The following PDE3A variants were observed in gnomAD, a reference collection of about 807,000 sequenced individuals.
The protein encoded by PDE3A is phosphodiesterase 3A.
A neutral mutation model predicts 98.3 loss-of-function variants in PDE3A; 43 were observed. The observed-to-expected ratio is 0.44, with a 90% CI of 0.34 to 0.56. PDE3A has a LOEUF of 0.56. PDE3A is among the 20% of genes least tolerant of loss of function. PDE3A has a pLI of 0.01. For synonymous variants in PDE3A, 663 were observed against 567.9 expected (o/e 1.17, Z -2.38); for missense variants, 1,427 against 1,440.7 (o/e 0.99, Z 0.15).
At chr12:20,455,488 A>C (rs559859623) in intron 1 of PDE3A, among the ~76,000 whole-genome samples, 1 of 152,126 alleles carries the variant, frequency 6.6e-6, no homozygotes, top group African/African-American at 2.4e-5. Context: ...TATCTTGCTC[A>C]TTGCTAAAGA....
chr12:20,446,838 G>A (rs1003015844), intron 1 of PDE3A, among the ~76,000 whole-genome samples: 4 of 152,084 alleles, frequency 2.6e-5, no homozygotes, highest in East Asian at 1.9e-4. Context: ...ATAAAGGGGC[G>A]ATTGCTTATT....
intron 14 of PDE3A, among the ~76,000 whole-genome samples, chr12:20,651,453 T>G (rs1167613510): frequency 6.6e-6 from 1 of 152,144 alleles, no homozygotes; most frequent in African/African-American, 2.4e-5. Context: ...TAGAAATCGG[T>G]TAATCAACAT....
intron 13 of PDE3A, 85 bp downstream of exon 13, chr12:20,648,976 A>T (rs1280195281): frequency 5.0e-5 from 41 of 818,320 alleles, no homozygotes; most frequent in Non-Finnish European, 7.6e-5. Flanking sequence ...CCCAGACTGG[A>T]GTGCAGTGGC....
chr12:20,558,225 T>C (rs1468483838), intron 2 of PDE3A, among the ~76,000 whole-genome samples: 1 of 151,296 alleles, frequency 6.6e-6, no homozygotes, highest in African/African-American at 2.4e-5. Context: ...AACCTCACAA[T>C]TGTACAGTAT....
chr12:20,635,833 C>T (rs1178679403), intron 8 of PDE3A, among the ~76,000 whole-genome samples: 2 of 150,744 alleles, frequency 1.3e-5, no homozygotes, highest in Non-Finnish European at 3.0e-5. Context: ...ACATGTATTA[C>T]AGCCCTTCCC....
At chr12:20,522,558 T>C (rs1197577476) in intron 1 of PDE3A, among the ~76,000 whole-genome samples, 1 of 152,162 alleles carries the variant, frequency 6.6e-6, no homozygotes, top group Non-Finnish European at 1.5e-5. Context: ...GGTGTTGTCT[T>C]TGTCTTTGAG....
chr12:20,650,667 T>C (rs1944895981), intron 14 of PDE3A, 67 bp downstream of exon 14: 1 of 904,602 alleles, frequency 1.1e-6, no homozygotes, highest in African/African-American at 1.6e-5. Context: ...GCTCAAAGCT[T>C]CTAACAGCTA....
At chr12:20,656,727 T>C (rs1044108219) in intron 15 of PDE3A, among the ~76,000 whole-genome samples, 5 of 152,232 alleles carry the variant, frequency 3.3e-5, no homozygotes, top group African/African-American at 1.2e-4. Context: ...ATGAAGGTAT[T>C]GTCAGCTTAG....
At position 20,552,020 on chromosome 12, in the gene PDE3A, G is replaced by A. The variant is rs1942220148; in HGVS notation, c.961-4640G>A. On this transcript the variant is annotated intron_variant, in intron 1 of 15. Transcript: ENST00000359062. The surrounding 1 kb of genome is among the most constrained non-coding windows in gnomAD (Gnocchi z 5.1). ...GGAGCGTACTCCCTAGTCCTGGCGG[G>A]GGGCTACGAGGATGACGTGGACCAT... The A allele has an allele frequency of 2.5e-6, 4 of 1,612,376 alleles. No individual in the cohort carries two copies. Among genetic ancestry groups the A allele is most frequent in the Non-Finnish European group, 3.4e-6 (4 of 1,179,914 alleles).
At chr12:20,384,819 A>G (rs1480122604) in intron 1 of PDE3A, among the ~76,000 whole-genome samples, 1 of 152,106 alleles carries the variant, frequency 6.6e-6, no homozygotes, top group African/African-American at 2.4e-5. Flanking sequence ...GCTAAGAATA[A>G]TGGCTTCCAG....
chr12:20,615,016 C>CTTTTTTTTTTTTTTTTT (rs11313010), intron 3 of PDE3A, among the ~76,000 whole-genome samples: 1 of 59,126 alleles, frequency 1.7e-5, no homozygotes, highest in African/African-American at 6.1e-5. Flanking sequence ...TTCTCTCTTT[C>CTTTTTTTTTTTTTTTTT]TTTTTTTTTT....
chr12:20,661,083 T>A (rs1945158762), intron 15 of PDE3A, among the ~76,000 whole-genome samples: 1 of 152,160 alleles, frequency 6.6e-6, no homozygotes, highest in East Asian at 1.9e-4. Context: ...GCTGAGGTGG[T>A]CTCAGATGGA....
chr12:20,644,361 G>T (rs1241400890), intron 10 of PDE3A, among the ~76,000 whole-genome samples: 1 of 152,006 alleles, frequency 6.6e-6, no homozygotes, highest in Non-Finnish European at 1.5e-5. Flanking sequence ...CCGTGTATCT[G>T]GCCCTTTAAA....
Position 20,684,536 on chromosome 12 carries a change from C to G in PDE3A, c.*4265C>G, listed in dbSNP as rs915204347. Reference sequence around the variant, plus strand: ...TCCAGATAATTGAAAGCTAAAATATCTATGTACTTTGAAGCCAAACTGAGT... The same window carrying G: ...TCCAGATAATTGAAAGCTAAAATATGTATGTACTTTGAAGCCAAACTGAGT... On this transcript the variant is annotated 3_prime_UTR_variant, in exon 16 of 16. Transcript: ENST00000359062. Among the ~76,000 whole-genome samples, 1 of 152,148 alleles carries G rather than the reference C, an allele frequency of 6.6e-6. No homozygotes were observed. The highest frequency in any genetic ancestry group is 1.5e-5 in the Non-Finnish European group (1 of 68,020).
chr12:20,679,460 G>C (rs1019461549), intron 15 of PDE3A, among the ~76,000 whole-genome samples: 4 of 152,104 alleles, frequency 2.6e-5, no homozygotes, highest in Admixed American at 2.6e-4. Context: ...TGTTAGCCAG[G>C]ATGGTCTCAA....
chr12:20,637,721 T>A (rs1447021339), intron 9 of PDE3A, among the ~76,000 whole-genome samples: 1 of 152,078 alleles, frequency 6.6e-6, no homozygotes, highest in African/African-American at 2.4e-5. Context: ...TCACATAGAG[T>A]TATAGAATAA....
chr12:20,411,471 G>A (rs1944331369), intron 1 of PDE3A, among the ~76,000 whole-genome samples: 1 of 152,148 alleles, frequency 6.6e-6, no homozygotes, highest in Middle Eastern at 3.4e-3. Flanking sequence ...TGTAGCATGT[G>A]TCAGAGTTTT....
At chr12:20,559,808 G>A (rs1056053911) in intron 2 of PDE3A, among the ~76,000 whole-genome samples, 2 of 152,184 alleles carry the variant, frequency 1.3e-5, no homozygotes, top group Non-Finnish European at 2.9e-5. Flanking sequence ...GTAAGCTTTC[G>A]AAAGTACAGA....
chr12:20,464,052 A>G (rs1945299108), intron 1 of PDE3A, among the ~76,000 whole-genome samples: 1 of 152,212 alleles, frequency 6.6e-6, no homozygotes, highest in Non-Finnish European at 1.5e-5. Flanking sequence ...TGTTAATGAT[A>G]ATGTTTACTA....
Sources: gnomAD v4.1 joint callset for allele counts (sites outside exome capture counted in the v4.1 genomes callset) on GRCh38, gnomAD v4.1.1 for gene constraint, Gnocchi (gnomAD v3.1) non-coding constraint, MANE v1.5 for transcripts, NCBI Gene and HGNC (gene_info 2026-07-23, HGNC 2026-07-21) for gene names.